The following CASTOR2 variants were observed in gnomAD, a reference collection of about 807,000 sequenced individuals.
CASTOR2 encodes GATS protein like 2.
A neutral mutation model predicts 31.2 loss-of-function variants in CASTOR2; 8 were observed. That is an observed-to-expected ratio of 0.26 (90% CI 0.15 to 0.46). CASTOR2 has a LOEUF of 0.46. CASTOR2 is among the 20% of genes least tolerant of loss of function. The pLI is 0.99. For missense variants in CASTOR2, 216 were observed against 382.1 expected, an observed-to-expected ratio of 0.57 and a Z score of 3.62; for synonymous variants, 162 against 158.7, an observed-to-expected ratio of 1.02 and a Z score of -0.16.
At position 75,019,215 on chromosome 7, in the gene CASTOR2, A is replaced by T; in HGVS notation, c.635+120A>T. ...GGAGCTCATCTGAGGGAAGAGACACAGACCTTCCCTGGAGCTAGTCTGAGC... is the reference window on the plus strand; with the variant it reads ...GGAGCTCATCTGAGGGAAGAGACACTGACCTTCCCTGGAGCTAGTCTGAGC... On this transcript the variant is annotated intron_variant, in intron 5 of 8. Coordinates refer to ENST00000616305, the MANE Select transcript of CASTOR2 (RefSeq NM_001145064.3). 5.4e-6 allele frequency: 8 copies of T among 1,493,860 alleles called. No individual in the cohort carries two copies. In the Middle Eastern group the frequency reaches 6.7e-4, roughly 125 times the overall value. 92.5% of individuals were successfully genotyped at this position (1,493,860 alleles called of 1,614,324 possible). A position where few individuals can be genotyped will look rare whatever the true frequency, so the allele number is the denominator to read the frequency against.
At chr7:75,000,129 G>A (rs1410110899) in intron 1 of CASTOR2, among the ~76,000 whole-genome samples, 1 of 152,200 alleles carries the variant, frequency 6.6e-6, no homozygotes, top group Non-Finnish European at 1.5e-5. Context: ...AGGAGGCTGA[G>A]GTGGGAGGAT....
rs2131962759 is a variant in CASTOR2 at position 75,027,860 on chromosome 7, T to C, written c.*3161T>C. 1.3e-6 allele frequency: 1 copy of C among 759,634 alleles called. No individual in the cohort carries two copies. 47.1% of individuals were successfully genotyped at this position (759,634 alleles called of 1,614,324 possible). On this transcript the variant is annotated 3_prime_UTR_variant, in exon 9 of 9. Transcript: ENST00000616305. ...TCGGGGTGGGGTGTGAGTGTGGTTT[T>C]TCCCAGGCAGGGGCCGTCTGCCCTT...
chr7:74,987,872 C>T (rs1175610372), intron 1 of CASTOR2, among the ~76,000 whole-genome samples: 12 of 151,804 alleles, frequency 7.9e-5, no homozygotes, highest in African/African-American at 2.9e-4. Context: ...CACAGCTGGC[C>T]AATTTTTGTA....
intron 1 of CASTOR2, among the ~76,000 whole-genome samples, chr7:75,001,674 A>G (rs1245905594): frequency 6.6e-6 from 1 of 152,240 alleles, no homozygotes; most frequent in Non-Finnish European, 1.5e-5. Context: ...GCCACAGTCC[A>G]TCCTTTCGCT....
intron 1 of CASTOR2, among the ~76,000 whole-genome samples, chr7:75,007,198 G>A (rs2131944146): frequency 6.6e-6 from 1 of 152,224 alleles, no homozygotes; most frequent in South Asian, 2.1e-4. Flanking sequence ...AGGGACATGG[G>A]TGTTGAGGGG....
In CASTOR2 at chr7:75,028,221, A is replaced by G; in HGVS notation, c.*3522A>G. 1.3e-6 allele frequency: 1 copy of G among 775,506 alleles called. No homozygotes were observed. Among genetic ancestry groups the G allele is most frequent in the Non-Finnish European group, 2.0e-6 (1 of 502,624 alleles). The allele number at this position is 775,506 out of a possible 1,614,324, so 48.0% of individuals were successfully genotyped here. A position where few individuals can be genotyped will look rare whatever the true frequency, so the allele number is the denominator to read the frequency against. ...CAGCAACCTCCACTTCCTGGGTTCA[A>G]GCGAGTCTCCTACATTGGCCTCCCA... On this transcript the variant is annotated 3_prime_UTR_variant, in exon 9 of 9. Transcript: ENST00000616305.
At chr7:74,988,188 G>T (rs183763479) in intron 1 of CASTOR2, among the ~76,000 whole-genome samples, 4 of 150,628 alleles carry the variant, frequency 2.7e-5, no homozygotes, top group Non-Finnish European at 5.9e-5. Flanking sequence ...GGAGTTCAGT[G>T]GTGCCATCTC....
At chr7:74,994,509 G>T (rs1363413085) in intron 1 of CASTOR2, among the ~76,000 whole-genome samples, 1 of 152,162 alleles carries the variant, frequency 6.6e-6, no homozygotes, top group African/African-American at 2.4e-5. Flanking sequence ...CCAGCACTTT[G>T]GGGGGCCGAG....
intron 1 of CASTOR2, among the ~76,000 whole-genome samples, chr7:74,992,763 TATG>T (rs1330007469): frequency 6.6e-6 from 1 of 152,016 alleles, no homozygotes; most frequent in Admixed American, 6.6e-5. Flanking sequence ...ATCAGCCTGG[TATG>T]GTGGTGCATG....
chr7:74,999,725 C>G (rs1185174316), intron 1 of CASTOR2, among the ~76,000 whole-genome samples: 2 of 141,222 alleles, frequency 1.4e-5, no homozygotes, highest in Non-Finnish European at 3.0e-5. Flanking sequence ...TCAAGTGATT[C>G]TCTCGCCCCA....
rs1804806993 is a variant in CASTOR2, at chr7:75,013,868, C to T, written c.185-3730C>T. On this transcript the variant is annotated intron_variant, in intron 2 of 8. Coordinates refer to ENST00000616305, the MANE Select transcript of CASTOR2 (RefSeq NM_001145064.3). ...TCAGCCTCCTGAGTTGCTGGGATTA[C>T]AGGCACGCACCACCACACCCGGCTA... Among the ~76,000 whole-genome samples the T allele has an allele frequency of 3.3e-5, 5 of 152,070 alleles. No homozygotes were observed. In the South Asian group the frequency reaches 1.0e-3, roughly 31 times the overall value.
chr7:74,979,376 T>G (rs1563054848), intron 1 of CASTOR2, among the ~76,000 whole-genome samples: 1 of 147,968 alleles, frequency 6.8e-6, no homozygotes, highest in East Asian at 2.0e-4. Context: ...GAATCCCCAG[T>G]GTCTGATGTT....
At chr7:74,972,691 T>C (rs1287695042) in intron 1 of CASTOR2, among the ~76,000 whole-genome samples, 1 of 150,842 alleles carries the variant, frequency 6.6e-6, no homozygotes, top group African/African-American at 2.4e-5. Context: ...TTTGTTTGTT[T>C]GTTTTTGAGA....
intron 1 of CASTOR2, among the ~76,000 whole-genome samples, chr7:74,988,664 C>T (rs1175102749): frequency 1.3e-5 from 2 of 152,082 alleles, no homozygotes; most frequent in Non-Finnish European, 2.9e-5. Flanking sequence ...TGGTTCGTGA[C>T]GTACTTATTG....
At position 75,007,984 on chromosome 7, in the gene CASTOR2, A is replaced by G. The variant is rs1554438943; in HGVS notation, c.114-10A>G. On this transcript the variant is annotated splice_polypyrimidine_tract_variant and intron_variant, in intron 1 of 8. Coordinates refer to ENST00000616305, the MANE Select transcript of CASTOR2 (RefSeq NM_001145064.3). ...CTAATGAGATATTCTGTGTCTGTCC[A>G]TCCATCCAGGTGCAAGTTCTTCAGT... The G allele has an allele frequency of 2.5e-6, 4 of 1,613,798 alleles. No homozygotes were observed. Among genetic ancestry groups the G allele is most frequent in the African/African-American group, 1.3e-5 (1 of 74,896 alleles).
At chr7:74,965,521 C>A (rs868972972) in intron 1 of CASTOR2, among the ~76,000 whole-genome samples, 9 of 62 alleles carry the variant, frequency 0.15, 2 homozygotes, top group African/African-American at 0.6. Flanking sequence ...CCGGCCCCGT[C>A]GCCACGGCGG....
intron 1 of CASTOR2, among the ~76,000 whole-genome samples, chr7:74,977,332 G>A (rs1803839310): frequency 6.6e-6 from 1 of 151,664 alleles, no homozygotes; most frequent in African/African-American, 2.4e-5. Flanking sequence ...GGGATTCTGG[G>A]TGTCCAAGGT....
In CASTOR2 at chr7:75,026,025, G is replaced by C. The variant is rs1457240728; in HGVS notation, c.*1326G>C. ...CTGTAGTTCTATCTGAGCACCGGAG[G>C]GGGTGAGGGAACCCGAGGGCCATGG... On this transcript the variant is annotated 3_prime_UTR_variant, in exon 9 of 9. Transcript: ENST00000616305. Among the ~76,000 whole-genome samples the C allele has an allele frequency of 5.9e-5, 9 of 152,260 alleles. No individual in the cohort carries two copies. The highest frequency in any genetic ancestry group is 2.0e-4 in the Admixed American group (3 of 15,290).
At chr7:74,987,954 C>T (rs1357198798) in intron 1 of CASTOR2, among the ~76,000 whole-genome samples, 2 of 151,654 alleles carry the variant, frequency 1.3e-5, no homozygotes, top group East Asian at 1.9e-4. Flanking sequence ...GTGATACACC[C>T]GCTTTGGCCT....
Sources: allele counts gnomAD v4.1 joint callset (sites outside exome capture counted in the v4.1 genomes callset), GRCh38; gene constraint gnomAD v4.1.1; transcripts MANE v1.5; gene names NCBI Gene and HGNC (gene_info 2026-07-23, HGNC 2026-07-21).